The following PLXNA1 variants were observed in gnomAD, a reference collection of about 807,000 sequenced individuals.
PLXNA1 encodes plexin-A1.
A neutral mutation model predicts 191.7 loss-of-function variants in PLXNA1; 77 were observed. The observed-to-expected ratio is 0.40, with a 90% CI of 0.33 to 0.49. The LOEUF is 0.49. Among genes scored for constraint, PLXNA1 ranks in the 20% least tolerant of loss-of-function variants. The pLI is 0.63. For missense variants in PLXNA1, 2,110 were observed against 2,660.2 expected (o/e 0.79, Z 4.55); for synonymous variants, 1,137 against 1,156.4 (o/e 0.98, Z 0.34).
chr3:127,023,889 A>T (rs1325807462), intron 23 of PLXNA1, among the ~76,000 whole-genome samples: 5 of 151,912 alleles, frequency 3.3e-5, no homozygotes, highest in Non-Finnish European at 7.4e-5. Flanking sequence ...GCCACTGGGG[A>T]GAAGGCCCCA....
At chr3:127,027,827 G>GTA in intron 23 of PLXNA1, 113 bp from the exon 24 acceptor site, 1 of 1,420,400 alleles carries the variant, frequency 7.0e-7, no homozygotes, top group East Asian at 2.4e-5. Context: ...GTTGGGAAGT[G>GTA]CTGCTCATTT....
At chr3:127,017,335 C>T (rs948132675) in intron 17 of PLXNA1, 90 bp from the exon 18 acceptor site, 12 of 1,506,880 alleles carry the variant, frequency 8.0e-6, no homozygotes, top group Admixed American at 2.0e-5. Context: ...GTGCAGGGAG[C>T]AGGCAGCCCC....
chr3:127,021,959 G>C lies in PLXNA1; in HGVS notation c.4039-126G>C, dbSNP rs1449528342. The C allele has an allele frequency of 5.0e-6, 7 of 1,394,456 alleles. No homozygotes were observed. The East Asian group carries it at 1.2e-4, about 23-fold the overall frequency. 86.4% of individuals were successfully genotyped at this position (1,394,456 alleles called of 1,614,324 possible). On this transcript the variant is annotated intron_variant, in intron 21 of 31. Coordinates refer to ENST00000393409, the MANE Select transcript of PLXNA1 (RefSeq NM_032242.4). ...GAGGAGTCAGGGCAACTTGTCACTT[G>C]CCTTCCAGGCCTGTCCTCTGATGGG...
In PLXNA1 at chr3:127,016,766, C is replaced by T. The variant is rs193082718; in HGVS notation, c.3182+82C>T. ...AGGAGCTCTTCCACTGGGCACTTGG[C>T]GGTGGCCCTCCTGCATGCCGGGTAC... On this transcript the variant is annotated intron_variant, in intron 16 of 31. Transcript: ENST00000393409. 1.4e-3 allele frequency: 2,141 copies of T among 1,510,892 alleles called. 5 individuals carry two copies. Among genetic ancestry groups the T allele is most frequent in the Non-Finnish European group, 1.7e-3 (1,872 of 1,095,626 alleles). The allele number at this position is 1,510,892 out of a possible 1,614,324, so 93.6% of individuals were successfully genotyped here.
intron 16 of PLXNA1, 22 bp from the exon 17 acceptor site, chr3:127,016,922 C>G: frequency 6.3e-7 from 1 of 1,596,814 alleles, no homozygotes; most frequent in Non-Finnish European, 8.6e-7. Context: ...TTGGTGACCC[C>G]CCCACCCCTG....
intron 8 of PLXNA1, 29 bp from the exon 9 acceptor site, chr3:127,007,770 A>G: frequency 6.6e-7 from 1 of 1,522,026 alleles, no homozygotes; most frequent in Non-Finnish European, 9.1e-7. Context: ...GCGGGTCCCC[A>G]GGCTTCAGCA....
chr3:127,005,234 C>G lies in PLXNA1; in HGVS notation c.1888C>G (p.Arg630Gly). ...PSAREVAPIT[R>G]GQGDQRVVKL... is the part of the protein sequence containing the mutation. ...CGCCCGGGAGGTGGCGCCCATCACG[C>G]GGGGCCAGGGTGAGTGGCCCCAACA... Residue 630 changes from arginine (R) to glycine (G), a missense_variant, in exon 7 of 32, where the codon CGG becomes GGG. By Grantham distance (125) the Arg-to-Gly change is moderately radical (BLOSUM62 -2). Transcript: ENST00000393409. The G allele has an allele frequency of 1.9e-6, 3 of 1,606,620 alleles. No individual in the cohort carries two copies. The highest frequency in any genetic ancestry group is 2.5e-6 in the Non-Finnish European group (3 of 1,177,344).
chr3:127,005,877 A>G (rs1478965457), intron 7 of PLXNA1, among the ~76,000 whole-genome samples: 5 of 151,856 alleles, frequency 3.3e-5, no homozygotes, highest in Non-Finnish European at 7.4e-5. Context: ...GCGGTTCTCA[A>G]CCCCTCACAC....
intron 8 of PLXNA1, 26 bp downstream of exon 8, chr3:127,006,204 C>A: frequency 1.3e-6 from 2 of 1,579,654 alleles, no homozygotes; most frequent in Non-Finnish European, 1.7e-6. Context: ...CCCCTCCGCC[C>A]GCCTGGGCCT....
chr3:127,015,533 C>T (rs919321777), intron 15 of PLXNA1, among the ~76,000 whole-genome samples: 3 of 152,162 alleles, frequency 2.0e-5, no homozygotes. Context: ...CTTTGTGGGG[C>T]GGGGCAACTT....
rs33998521 is a variant in PLXNA1 at position 127,034,665 on chromosome 3, G to GC, written c.*652dup. 0.09 allele frequency: 13,749 copies of GC among 152,762 alleles called. 806 individuals are homozygous for GC. The highest frequency in any genetic ancestry group is 0.23 in the Middle Eastern group (67 of 294). The allele number at this position is 152,762 out of a possible 1,614,324, so 9.5% of individuals were successfully genotyped here. A position where few individuals can be genotyped will look rare whatever the true frequency, so the allele number is the denominator to read the frequency against. ...GAGGCCGGAGCACCACATCCACCTC[G>GC]CCCCAGAGAGGCTCTGCTCCCTCCT... On this transcript the variant is annotated 3_prime_UTR_variant, in exon 32 of 32. Coordinates refer to ENST00000393409, the MANE Select transcript of PLXNA1 (RefSeq NM_032242.4).
chr3:127,001,922 C>T (rs1293361329), intron 3 of PLXNA1, among the ~76,000 whole-genome samples: 1 of 152,258 alleles, frequency 6.6e-6, no homozygotes, highest in South Asian at 2.1e-4. Context: ...GGCCACTGAC[C>T]CAGAGCAAAG....
chr3:127,012,193 G>C, intron 10 of PLXNA1, 35 bp downstream of exon 10: 1 of 1,590,540 alleles, frequency 6.3e-7, no homozygotes, highest in Non-Finnish European at 8.6e-7. Flanking sequence ...GGGGCCGTGA[G>C]CCGGAATGGG....
intron 19 of PLXNA1, among the ~76,000 whole-genome samples, 191 bp downstream of exon 19, chr3:127,018,083 C>T (rs1243719698): frequency 2.0e-5 from 3 of 152,170 alleles, no homozygotes; most frequent in African/African-American, 7.2e-5. Flanking sequence ...ACTGCCTACC[C>T]ACCCTGAGCC....
At position 127,035,813 on chromosome 3, in the gene PLXNA1, G is replaced by A. The variant is rs1271594268; in HGVS notation, c.*1796G>A. ...GCAGTCCGCCCCAGCTGAGTAGCGTGAGCCAGATGACGCCACAGAGACCCG... is the reference window on the plus strand; with the variant it reads ...GCAGTCCGCCCCAGCTGAGTAGCGTAAGCCAGATGACGCCACAGAGACCCG... On this transcript the variant is annotated 3_prime_UTR_variant, in exon 32 of 32. Transcript: ENST00000393409. 1 of 152,262 alleles carries A rather than the reference G, an allele frequency of 6.6e-6. No homozygotes were observed. The highest frequency in any genetic ancestry group is 1.5e-5 in the Non-Finnish European group (1 of 68,034). The allele number at this position is 152,262 out of a possible 1,614,324, so 9.4% of individuals were successfully genotyped here.
chr3:127,028,463 G>T, intron 25 of PLXNA1, 123 bp downstream of exon 25: 1 of 1,136,498 alleles, frequency 8.8e-7, no homozygotes, highest in Non-Finnish European at 1.2e-6. Context: ...GGTCTGGAGG[G>T]CAGTGGAATG....
At chr3:127,022,448 C>A in intron 22 of PLXNA1, 107 bp downstream of exon 22, 5 of 1,402,592 alleles carry the variant, frequency 3.6e-6, no homozygotes, top group Non-Finnish European at 4.8e-6. Flanking sequence ...TCCCACCGGG[C>A]AGGGGTGGGA....
intron 23 of PLXNA1, chr3:127,026,238 A>C (rs1445097185): frequency 6.6e-6 from 1 of 152,244 alleles, no homozygotes; most frequent in Non-Finnish European, 1.5e-5. Context: ...GGCCTGGCTG[A>C]AGAAGTGGGT....
At position 127,007,791 on chromosome 3, in the gene PLXNA1, C is replaced by T; in HGVS notation, c.1998-8C>T. Reference sequence around the variant, plus strand: ...CCCCAGGCTTCAGCACCCACCCTCTCCCTGCAGCTGCCTGTCCTGTGTCAA... The same window carrying T: ...CCCCAGGCTTCAGCACCCACCCTCTTCCTGCAGCTGCCTGTCCTGTGTCAA... On this transcript the variant is annotated splice_region_variant and splice_polypyrimidine_tract_variant and intron_variant, in intron 8 of 31. Transcript: ENST00000393409. The T allele has an allele frequency of 6.2e-7, 1 of 1,600,480 alleles. No individual in the cohort carries two copies. Among genetic ancestry groups the T allele is most frequent in the Non-Finnish European group, 8.6e-7 (1 of 1,169,450 alleles).
Sources: allele counts gnomAD v4.1 joint callset (sites outside exome capture counted in the v4.1 genomes callset), GRCh38; gene constraint gnomAD v4.1.1; transcripts MANE v1.5; gene names NCBI Gene and HGNC (gene_info 2026-07-23, HGNC 2026-07-21).